The following FAM135A variants were observed in gnomAD, a reference collection of about 807,000 sequenced individuals.
FAM135A encodes protein FAM135A.
Under a neutral mutation model 146.8 loss-of-function variants are expected in FAM135A, and 79 were observed. That is an observed-to-expected ratio of 0.54 (90% confidence interval 0.45 to 0.65). FAM135A has a LOEUF of 0.65. Among genes scored for constraint, FAM135A ranks in the 30% least tolerant of loss-of-function variants. The probability of loss-of-function intolerance (pLI) is 0.00; values close to 1 mark genes in which losing one functional copy is unlikely to be tolerated. For missense variants in FAM135A, 1,623 were observed against 1,758.2 expected, an observed-to-expected ratio of 0.92 and a Z score of 1.38; for synonymous variants, 562 against 603.6, an observed-to-expected ratio of 0.93 and a Z score of 1.01.
At chr6:70,544,919 C>T (rs1249826842) in intron 20 of FAM135A, among the ~76,000 whole-genome samples, 4 of 150,964 alleles carry the variant, frequency 2.6e-5, no homozygotes, top group Admixed American at 1.3e-4. Flanking sequence ...GGCGTGGTGG[C>T]GGGTGCCTAT....
rs1554167052 is a variant in FAM135A, at chr6:70,538,918, T to TTTTTTTTTTTTTTTTTTTTTTTTG, written c.4228+517_4228+518insTTTTTTTTTTTTTTTTTTTTTTTG. On this transcript the variant is annotated intron_variant, in intron 20 of 21. Coordinates refer to ENST00000418814, the MANE Select transcript of FAM135A (RefSeq NM_001162529.3). ...CTAAACTATTAATGATTATCCTTTC[T>TTTTTTTTTTTTTTTTTTTTTTTTG]ACAATTCTCACTACTGGATAAATCT... Among the ~76,000 whole-genome samples, 129 of 148,988 alleles carry TTTTTTTTTTTTTTTTTTTTTTTTG rather than the reference T, an allele frequency of 8.7e-4. 8 individuals carry two copies. The highest frequency in any genetic ancestry group is 1.2e-3 in the Non-Finnish European group (82 of 67,036).
At chr6:70,551,553 A>G (rs1010723539) in intron 20 of FAM135A, among the ~76,000 whole-genome samples, 36 of 152,190 alleles carry the variant, frequency 2.4e-4, no homozygotes, top group African/African-American at 8.4e-4. Context: ...AGAGGCCGCA[A>G]TGAGTCATGA....
At chr6:70,512,391 T>C (rs1420174129) in intron 12 of FAM135A, among the ~76,000 whole-genome samples, 1 of 151,864 alleles carries the variant, frequency 6.6e-6, no homozygotes, top group African/African-American at 2.4e-5. Context: ...AGGAGTAAAA[T>C]TGCTTGGTCA....
At chr6:70,542,965 A>G (rs926283523) in intron 20 of FAM135A, among the ~76,000 whole-genome samples, 4 of 152,096 alleles carry the variant, frequency 2.6e-5, no homozygotes, top group Admixed American at 6.5e-5. Context: ...CATACTCATT[A>G]TAGTTTATCT....
Position 70,498,772 on chromosome 6 carries a change from G to A in FAM135A, c.874-3864G>A, listed in dbSNP as rs558154334. ...CAGGAGCAGGTTGTTCAGTTTCCAC[G>A]TAGTTCTGCAGCTTTGAGTGAGTTT... On this transcript the variant is annotated intron_variant, in intron 11 of 21. Coordinates refer to ENST00000418814, the MANE Select transcript of FAM135A (RefSeq NM_001162529.3). Among the ~76,000 whole-genome samples the A allele has an allele frequency of 7.2e-5, 11 of 152,262 alleles. No individual in the cohort carries two copies. In the East Asian group the frequency reaches 1.9e-3, roughly 27 times the overall value.
At chr6:70,508,413 T>C (rs1189221529) in intron 12 of FAM135A, among the ~76,000 whole-genome samples, 2 of 152,234 alleles carry the variant, frequency 1.3e-5, no homozygotes, top group African/African-American at 2.4e-5. Context: ...CTGATCTTTA[T>C]TGCTAGTGCT....
chr6:70,538,647 A>G (rs1430582876), intron 20 of FAM135A, among the ~76,000 whole-genome samples: 3 of 151,836 alleles, frequency 2.0e-5, no homozygotes, highest in Non-Finnish European at 4.4e-5. Flanking sequence ...AAATTGCCCT[A>G]AGAATTTCAA....
At chr6:70,512,695 A>G (rs1044469437) in intron 12 of FAM135A, among the ~76,000 whole-genome samples, 11 of 151,904 alleles carry the variant, frequency 7.2e-5, no homozygotes, top group Non-Finnish European at 1.6e-4. Flanking sequence ...TTATTTATAT[A>G]TATTCTAGTT....
chr6:70,428,800 A>G (rs945164447), intron 4 of FAM135A, among the ~76,000 whole-genome samples: 2 of 152,372 alleles, frequency 1.3e-5, no homozygotes, highest in African/African-American at 4.8e-5. Context: ...ATTTTTCTGT[A>G]TCAGTGAATG....
intron 12 of FAM135A, chr6:70,505,073 C>CATAT (rs60810097): frequency 6.7e-6 from 1 of 149,944 alleles, no homozygotes. Context: ...GGTAGATACA[C>CATAT]ATATATATAT....
chr6:70,497,379 G>A (rs1787522383), intron 11 of FAM135A, among the ~76,000 whole-genome samples: 1 of 152,194 alleles, frequency 6.6e-6, no homozygotes, highest in African/African-American at 2.4e-5. Flanking sequence ...TTGCTTATCA[G>A]CTTAAGGAGA....
At position 70,526,794 on chromosome 6, in the gene FAM135A, C is replaced by CAT. The variant is rs1226638169; in HGVS notation, c.3614+97_3614+98insTA. 6.4e-5 allele frequency: 49 copies of CAT among 765,612 alleles called. 1 individual carries two copies. The highest frequency in any genetic ancestry group is 5.6e-4 in the African/African-American group (23 of 40,860). 47.4% of individuals were successfully genotyped at this position (765,612 alleles called of 1,614,324 possible). ...ACACACACACACACACACACACACA[C>CAT]ACACACACATATATATATAAAATCA... On this transcript the variant is annotated intron_variant, in intron 15 of 21. Coordinates refer to ENST00000418814, the MANE Select transcript of FAM135A (RefSeq NM_001162529.3).
chr6:70,491,783 A>T (rs1408257978), intron 11 of FAM135A, among the ~76,000 whole-genome samples: 4 of 151,922 alleles, frequency 2.6e-5, no homozygotes, highest in African/African-American at 9.7e-5. Context: ...TATTTTCTTT[A>T]AAAAAGTCAC....
chr6:70,475,122 TGTG>T (rs1782376861), intron 5 of FAM135A, among the ~76,000 whole-genome samples: 1 of 152,234 alleles, frequency 6.6e-6, no homozygotes, highest in Non-Finnish European at 1.5e-5. Flanking sequence ...CTTTCCTAAA[TGTG>T]GTATACAGAT....
chr6:70,551,953 G>A (rs944636320), intron 20 of FAM135A, among the ~76,000 whole-genome samples: 1 of 152,114 alleles, frequency 6.6e-6, no homozygotes, highest in African/African-American at 2.4e-5. Context: ...GAGACACAAA[G>A]TGAATATGTA....
At chr6:70,480,471 T>C (rs1783485806) in intron 8 of FAM135A, among the ~76,000 whole-genome samples, 1 of 152,164 alleles carries the variant, frequency 6.6e-6, no homozygotes, top group South Asian at 2.1e-4. Context: ...GTAGATTTAG[T>C]AATTTTTCTT....
intron 16 of FAM135A, 109 bp downstream of exon 16, chr6:70,528,561 C>A: frequency 1.0e-6 from 1 of 961,706 alleles, no homozygotes; most frequent in Non-Finnish European, 1.4e-6. Context: ...TTTTTAATTG[C>A]TTAAATTAAT....
rs142418894 is a variant in FAM135A at position 70,498,825 on chromosome 6, A to G, written c.874-3811A>G. On this transcript the variant is annotated intron_variant, in intron 11 of 21. Transcript: ENST00000418814. ...TAATCCTGAGTTCTAATTTGATTGC[A>G]CTGTGGTCTGAGAGACTGTTTATTA... is the stretch of plus-strand genomic sequence containing the variant. 4.1e-3 allele frequency among the ~76,000 whole-genome samples: 629 copies of G among 152,282 alleles called. 11 individuals are homozygous for G. The highest frequency in any genetic ancestry group is 0.029 in the East Asian group (152 of 5,180).
At chr6:70,439,922 A>G (rs1774078153) in intron 4 of FAM135A, among the ~76,000 whole-genome samples, 1 of 152,242 alleles carries the variant, frequency 6.6e-6, no homozygotes, top group Non-Finnish European at 1.5e-5. Flanking sequence ...ATGTATCTCC[A>G]ACAGATAAGG....
Sources: allele counts gnomAD v4.1 joint callset (sites outside exome capture counted in the v4.1 genomes callset), GRCh38; gene constraint gnomAD v4.1.1; transcripts MANE v1.5; gene names NCBI Gene and HGNC (gene_info 2026-07-23, HGNC 2026-07-21).